Variants in NAV2 observed in about 807,000 individuals in gnomAD.
NAV2 encodes neuron navigator 2.
A neutral mutation model predicts 223.2 loss-of-function variants in NAV2; 54 were observed. The ratio of observed to expected loss-of-function variants is 0.24; its 90% CI spans 0.19 to 0.30. The LOEUF (loss-of-function observed/expected upper bound fraction) is 0.30, where lower values mean the gene tolerates loss of function less well. Ranked by LOEUF, NAV2 falls within the 10% of genes least tolerant of loss-of-function variation. NAV2 has a pLI of 1.00. For missense variants in NAV2, 2,806 were observed against 3,147.5 expected (o/e 0.89, Z 2.60); for synonymous variants, 1,279 against 1,239.3 (o/e 1.03, Z -0.67).
At chr11:19,953,858 C>CGTGT (rs373382653) in intron 10 of NAV2, among the ~76,000 whole-genome samples, 31,792 of 150,126 alleles carry the variant, frequency 0.21, 3,555 homozygotes, top group Middle Eastern at 0.36. Context: ...CACGCGCGCG[C>CGTGT]GTGTGTGTGT....
At chr11:19,997,298 C>T (rs2052000192) in intron 11 of NAV2, among the ~76,000 whole-genome samples, 2 of 152,066 alleles carry the variant, frequency 1.3e-5, no homozygotes, top group Non-Finnish European at 2.9e-5. Context: ...TGTTGGTGGG[C>T]CTCCAGGGCC....
chr11:19,612,038 T>C (rs750282358), intron 1 of NAV2, among the ~76,000 whole-genome samples: 6 of 152,206 alleles, frequency 3.9e-5, no homozygotes, highest in Non-Finnish European at 8.8e-5. Context: ...AAACCTCAAT[T>C]ATTGACTTCT....
intron 1 of NAV2, among the ~76,000 whole-genome samples, chr11:19,693,344 CA>C (rs2049239123): frequency 6.6e-6 from 1 of 152,194 alleles, no homozygotes; most frequent in Non-Finnish European, 1.5e-5. Context: ...AGAGGAAATA[CA>C]AACAACAATT....
chr11:19,988,608 GCTGTTTC>G (rs1274519569), intron 11 of NAV2, among the ~76,000 whole-genome samples: 15 of 151,874 alleles, frequency 9.9e-5, no homozygotes, highest in Non-Finnish European at 1.5e-5. Flanking sequence ...TACTGAGATT[GCTGTTTC>G]AGTGAAGGAT....
intron 1 of NAV2, among the ~76,000 whole-genome samples, chr11:19,765,342 T>C (rs1017435587): frequency 1.3e-5 from 2 of 151,770 alleles, no homozygotes; most frequent in African/African-American, 2.4e-5. Context: ...TCCTTCCTCC[T>C]CTTCCTCCTC....
chr11:19,667,922 G>C (rs1387228220), intron 1 of NAV2, among the ~76,000 whole-genome samples: 1 of 152,102 alleles, frequency 6.6e-6, no homozygotes, highest in African/African-American at 2.4e-5. Context: ...ACATCTCAAG[G>C]TGTTTGTTTC....
intron 1 of NAV2, 51 bp downstream of exon 1, chr11:19,714,013 T>C (rs1391827511): frequency 1.9e-6 from 3 of 1,597,946 alleles, no homozygotes; most frequent in African/African-American, 1.3e-5. Flanking sequence ...GGATGAATAG[T>C]TCTTTCGGGA....
At chr11:19,575,579 C>A (rs569571832) in intron 1 of NAV2, among the ~76,000 whole-genome samples, 17 of 152,246 alleles carry the variant, frequency 1.1e-4, no homozygotes, top group Non-Finnish European at 2.4e-4. Context: ...AGACTGTGCT[C>A]AGATTCTACC....
intron 1 of NAV2, among the ~76,000 whole-genome samples, chr11:19,692,329 A>G (rs1336444913): frequency 6.6e-6 from 1 of 152,250 alleles, no homozygotes; most frequent in African/African-American, 2.4e-5. Flanking sequence ...CAGGTCTGAG[A>G]AGCCAGGTCA....
chr11:19,459,312 T>C (rs1007208553), intron 1 of NAV2, among the ~76,000 whole-genome samples: 1 of 152,252 alleles, frequency 6.6e-6, no homozygotes, highest in Non-Finnish European at 1.5e-5. Context: ...TGTTCTTAGA[T>C]ACTGGTGGCA....
Position 19,933,797 on chromosome 11 carries a change from A to C in NAV2, c.1553A>C (p.Glu518Ala). Residue 518 changes from glutamate (E) to alanine (A), a missense_variant, in exon 7 of 38, where the codon GAG becomes GCG. Around this residue, in one of 4 missense-constraint regions of NAV2, gnomAD observed 1,167 missense variants for 1,180.5 expected, o/e 0.99. Coordinates refer to ENST00000349880, the MANE Select transcript of NAV2 (RefSeq NM_145117.5). This position sits in a 1 kb window ranked among gnomAD's most constrained non-coding sequence, Gnocchi z 4.3. ...GTGACGGAGAGGCTGGACCTCAAGG[A>C]GGAGCCAAAAGAAGACCCCAGTGGA... ...ASVTERLDLKEEPKEDPSGAA... is the reference protein window; with the variant it reads ...ASVTERLDLKAEPKEDPSGAA... 1 of 1,614,090 alleles carries C rather than the reference A, an allele frequency of 6.2e-7. No individual in the cohort carries two copies. Among genetic ancestry groups the C allele is most frequent in the Non-Finnish European group, 8.5e-7 (1 of 1,180,006 alleles).
chr11:19,688,268 A>C (rs1303322738), intron 1 of NAV2, among the ~76,000 whole-genome samples: 1 of 152,148 alleles, frequency 6.6e-6, no homozygotes, highest in Non-Finnish European at 1.5e-5. Context: ...GGAACAGAAG[A>C]CTCTGTAAAG....
intron 1 of NAV2, among the ~76,000 whole-genome samples, chr11:19,788,265 A>G (rs2057283078): frequency 6.6e-6 from 1 of 152,182 alleles, no homozygotes; most frequent in Non-Finnish European, 1.5e-5. Flanking sequence ...AGTCATGACA[A>G]TCAAAAATGT....
chr11:19,648,636 C>G (rs560033972), intron 1 of NAV2, among the ~76,000 whole-genome samples: 65 of 152,234 alleles, frequency 4.3e-4, no homozygotes, highest in South Asian at 3.9e-3. Context: ...GTGAAAACAG[C>G]CCTGGAGAGT....
At chr11:19,953,858 CGTGTGTGT>C (rs373382653) in intron 10 of NAV2, among the ~76,000 whole-genome samples, 7 of 150,524 alleles carry the variant, frequency 4.7e-5, no homozygotes, top group Non-Finnish European at 8.9e-5. Context: ...CACGCGCGCG[CGTGTGTGT>C]GTGTGTGTGT....
intron 3 of NAV2, among the ~76,000 whole-genome samples, chr11:19,843,983 T>C (rs1236336844): frequency 1.3e-5 from 2 of 152,200 alleles, no homozygotes; most frequent in Admixed American, 6.5e-5. Context: ...TGTCAGTGTA[T>C]GTATGGAAGG....
chr11:20,055,720 A>C lies in NAV2; in HGVS notation c.4643-49A>C, dbSNP rs745436220. 35 of 1,547,678 alleles carry C rather than the reference A, an allele frequency of 2.3e-5. No individual in the cohort carries two copies. The South Asian group carries it at 3.1e-4, about 14-fold the overall frequency. Reference sequence around the variant, plus strand: ...TCTCTTTGTCCCCAACCAGGATTTGAACAGAGACATGAATGTCTAACCTTT... The same window carrying C: ...TCTCTTTGTCCCCAACCAGGATTTGCACAGAGACATGAATGTCTAACCTTT... On this transcript the variant is annotated intron_variant, in intron 18 of 37. Coordinates refer to ENST00000349880, the MANE Select transcript of NAV2 (RefSeq NM_145117.5).
chr11:20,001,707 G>A (rs2052567874), intron 11 of NAV2, among the ~76,000 whole-genome samples: 1 of 132,394 alleles, frequency 7.6e-6, no homozygotes, highest in Non-Finnish European at 1.6e-5. Context: ...GCCTGTTGTG[G>A]GGTGGGGGGA....
At chr11:20,093,516 G>A (rs923770919) in intron 29 of NAV2, among the ~76,000 whole-genome samples, 37 of 152,100 alleles carry the variant, frequency 2.4e-4, no homozygotes, top group African/African-American at 8.5e-4. Flanking sequence ...TACTCCCAAA[G>A]CACTTCAGAG....
Sources: gnomAD v4.1 joint callset for allele counts (sites outside exome capture counted in the v4.1 genomes callset) on GRCh38, gnomAD v4.1.1 for gene constraint, gnomAD v4.1.1 regional missense constraint, Gnocchi (gnomAD v3.1) non-coding constraint, MANE v1.5 for transcripts, NCBI Gene and HGNC (gene_info 2026-07-23, HGNC 2026-07-21) for gene names.